The following GRM7 variants were observed in gnomAD, a reference collection of about 807,000 sequenced individuals.
The protein encoded by GRM7 is glutamate metabotropic receptor 7.
GRM7 carries 35 observed loss-of-function variants against 84.5 expected under a neutral mutation model. The observed-to-expected ratio is 0.41, with a 90% CI of 0.32 to 0.55. The LOEUF is 0.55. Among genes scored for constraint, GRM7 ranks in the 20% least tolerant of loss-of-function variants. The pLI is 0.19. For missense variants in GRM7, 1,003 were observed against 1,194.6 expected (o/e 0.84, Z 2.36); for synonymous variants, 487 against 455.1 (o/e 1.07, Z -0.89).
intron 4 of GRM7, among the ~76,000 whole-genome samples, chr3:7,347,999 A>C (rs1459369048): frequency 1.3e-5 from 2 of 152,162 alleles, no homozygotes. Flanking sequence ...CATTATTTAT[A>C]TTTTATAGAA....
intron 7 of GRM7, among the ~76,000 whole-genome samples, chr3:7,540,181 A>G (rs1367284820): frequency 1.3e-5 from 2 of 152,164 alleles, no homozygotes; most frequent in African/African-American, 4.8e-5. Context: ...TATTTTTTCA[A>G]AATGTTAAAA....
intron 8 of GRM7, among the ~76,000 whole-genome samples, chr3:7,673,178 G>A (rs67575074): frequency 0.36 from 54,639 of 151,932 alleles, 10,527 homozygotes; most frequent in Non-Finnish European, 0.44. Flanking sequence ...AGGTATTACT[G>A]TCATCCTCGC....
chr3:6,948,569 G>A (rs1698181963), intron 1 of GRM7, among the ~76,000 whole-genome samples: 1 of 152,146 alleles, frequency 6.6e-6, no homozygotes, highest in Non-Finnish European at 1.5e-5. Context: ...TGTCTATTAG[G>A]TCCGCTTGGT....
chr3:7,004,725 T>C (rs554417562), intron 1 of GRM7, among the ~76,000 whole-genome samples: 1 of 152,192 alleles, frequency 6.6e-6, no homozygotes, highest in Non-Finnish European at 1.5e-5. Context: ...ATTGTGGAAA[T>C]GTGAATGGAT....
rs547729081 is a variant in GRM7, at chr3:7,307,315, T to C, written c.1033+663T>C. Among the ~76,000 whole-genome samples, 16 of 152,178 alleles carry C rather than the reference T, an allele frequency of 1.1e-4. No homozygotes were observed. In the East Asian group the frequency reaches 2.5e-3, roughly 24 times the overall value. On this transcript the variant is annotated intron_variant, in intron 4 of 9. Coordinates refer to ENST00000357716, the MANE Select transcript of GRM7 (RefSeq NM_000844.4). ...GCCGATTATAAGTTATGTTATTCTT[T>C]AATTTGGAAAGAAAAGTTGTTTCTA...
In GRM7 at chr3:7,240,344, G is replaced by GTT. The variant is rs148089582; in HGVS notation, c.737-58331_737-58330dup. On this transcript the variant is annotated intron_variant, in intron 2 of 9. Coordinates refer to ENST00000357716, the MANE Select transcript of GRM7 (RefSeq NM_000844.4). ...GGACATGAACTCATGGCCTGGAATT[G>GTT]TTTTTTTTTTAATCAGAAATCTCCT... Among the ~76,000 whole-genome samples, 265 of 145,732 alleles carry GTT rather than the reference G, an allele frequency of 1.8e-3. 1 individual carries two copies. Among genetic ancestry groups the GTT allele is most frequent in the African/African-American group, 5.7e-3 (225 of 39,778 alleles).
intron 1 of GRM7, among the ~76,000 whole-genome samples, chr3:6,943,025 GTGTC>G (rs1340538707): frequency 1.3e-5 from 2 of 151,916 alleles, no homozygotes; most frequent in African/African-American, 4.8e-5. Flanking sequence ...TTTTGATAAA[GTGTC>G]TGTTCAAATC....
chr3:7,371,377 T>C (rs1444919177), intron 4 of GRM7, among the ~76,000 whole-genome samples: 1 of 152,144 alleles, frequency 6.6e-6, no homozygotes. Context: ...AAATACCTTA[T>C]AGCTTGGTGA....
intron 7 of GRM7, among the ~76,000 whole-genome samples, chr3:7,553,024 C>CATCTCT (rs763964416): frequency 6.6e-6 from 1 of 152,134 alleles, no homozygotes; most frequent in Non-Finnish European, 1.5e-5. Flanking sequence ...AATTCCAAAC[C>CATCTCT]ATCTCTTGAA....
At chr3:7,270,390 A>G (rs1386293994) in intron 2 of GRM7, among the ~76,000 whole-genome samples, 1 of 152,212 alleles carries the variant, frequency 6.6e-6, no homozygotes, top group Admixed American at 6.5e-5. Flanking sequence ...TCTTTAGTAT[A>G]TGGTATTGAT....
intron 4 of GRM7, among the ~76,000 whole-genome samples, chr3:7,397,794 G>T (rs1003721320): frequency 1.3e-5 from 2 of 152,012 alleles, no homozygotes; most frequent in African/African-American, 2.4e-5. Context: ...ACTTTTCATT[G>T]TCACAACTTG....
chr3:7,018,122 A>G lies in GRM7; in HGVS notation c.520-128330A>G, dbSNP rs1250356811. 6.6e-5 allele frequency among the ~76,000 whole-genome samples: 10 copies of G among 152,256 alleles called. No homozygotes were observed. The East Asian group carries it at 1.9e-3, about 29-fold the overall frequency. ...AAGAAACAGGTGAAATTTTAATTTTAATAGTACATTTTATTTGAATATATC... is the reference window on the plus strand; with the variant it reads ...AAGAAACAGGTGAAATTTTAATTTTGATAGTACATTTTATTTGAATATATC... On this transcript the variant is annotated intron_variant, in intron 1 of 9. Transcript: ENST00000357716.
intron 1 of GRM7, among the ~76,000 whole-genome samples, chr3:7,104,677 T>TA (rs1699235919): frequency 6.6e-6 from 1 of 151,760 alleles, no homozygotes; most frequent in Non-Finnish European, 1.5e-5. Context: ...TGTTAGCTGT[T>TA]ACCATCATTA....
chr3:7,530,559 A>C (rs576985431), intron 7 of GRM7, among the ~76,000 whole-genome samples: 1 of 152,202 alleles, frequency 6.6e-6, no homozygotes, highest in African/African-American at 2.4e-5. Flanking sequence ...CTCTCCTACC[A>C]ACGGTATAAA....
intron 8 of GRM7, among the ~76,000 whole-genome samples, chr3:7,591,727 A>T (rs1052406904): frequency 3.9e-5 from 6 of 152,182 alleles, no homozygotes; most frequent in African/African-American, 1.4e-4. Flanking sequence ...CTGTGTATCA[A>T]TCACCAGTCC....
intron 4 of GRM7, among the ~76,000 whole-genome samples, chr3:7,346,673 A>ACTATTG (rs1692908645): frequency 6.6e-6 from 1 of 151,932 alleles, no homozygotes; most frequent in Non-Finnish European, 1.5e-5. Flanking sequence ...TTCCTATTGT[A>ACTATTG]CTAAGTGAAC....
chr3:7,347,797 C>T (rs1032757549), intron 4 of GRM7, among the ~76,000 whole-genome samples: 3 of 152,112 alleles, frequency 2.0e-5, no homozygotes, highest in Non-Finnish European at 4.4e-5. Flanking sequence ...TAATTTAGTT[C>T]CATGTTTCTT....
intron 9 of GRM7, among the ~76,000 whole-genome samples, chr3:7,713,795 C>CTTTT (rs60007117): frequency 1.2e-4 from 8 of 64,752 alleles, no homozygotes; most frequent in East Asian, 6.1e-4. Context: ...CGGATGCTTT[C>CTTTT]TTTTTTTTTT....
At chr3:7,082,130 T>C (rs1698293701) in intron 1 of GRM7, among the ~76,000 whole-genome samples, 1 of 152,112 alleles carries the variant, frequency 6.6e-6, no homozygotes, top group South Asian at 2.1e-4. Flanking sequence ...CAGGCTCCTG[T>C]TGGAAGAAGA....
Sources: gnomAD v4.1 joint callset for allele counts (sites outside exome capture counted in the v4.1 genomes callset) on GRCh38, gnomAD v4.1.1 for gene constraint, MANE v1.5 for transcripts, NCBI Gene and HGNC (gene_info 2026-07-23, HGNC 2026-07-21) for gene names.